The following NBPF12 variants were observed in gnomAD, a reference collection of about 807,000 sequenced individuals.
NBPF12 encodes NBPF member 12, also known as NBPF family member NBPF12.
Under a neutral mutation model 146.4 loss-of-function variants are expected in NBPF12, and 115 were observed. The observed-to-expected ratio is 0.79, with a 90% confidence interval of 0.68 to 0.92. NBPF12 has a LOEUF of 0.92. NBPF12 is among the 40% of genes least tolerant of loss of function. The pLI, the probability that NBPF12 is intolerant of heterozygous loss-of-function variation, is 0.00. For missense variants in NBPF12, 1,205 were observed against 1,326.8 expected (o/e 0.91, Z 1.43); for synonymous variants, 385 against 508.9 (o/e 0.76, Z 3.28).
chr1:146,954,559 T>G lies in NBPF12; in HGVS notation c.-184+3070T>G, dbSNP rs1655479325. 2.7e-5 allele frequency among the ~76,000 whole-genome samples: 4 copies of G among 150,718 alleles called. No homozygotes were observed. In the South Asian group the frequency reaches 6.3e-4, roughly 24 times the overall value. ...TTATGTTTAAAGAGTCAGTTCTTCG[T>G]AAATTGATCTCCAGATCCAATGCAA... On this transcript the variant is annotated intron_variant, in intron 2 of 33. Coordinates refer to ENST00000617844, the Ensembl canonical transcript of NBPF12.
At chr1:146,976,809 G>C (rs1657064818) in intron 16 of NBPF12, 120 bp from the exon 20 acceptor site, 1 of 565,984 alleles carries the variant, frequency 1.8e-6, no homozygotes, top group African/African-American at 2.0e-5. Flanking sequence ...TAAAACATGA[G>C]AGTTTTCAGT....
At chr1:146,964,285 G>T (rs1302917633) in intron 6 of NBPF12, 72 bp from the exon 10 acceptor site, 3 of 1,587,376 alleles carry the variant, frequency 1.9e-6, no homozygotes, top group Admixed American at 3.3e-5. Context: ...TCATGTCTCT[G>T]TGCACGTTGG....
chr1:146,992,456 CTCTCTCTGTGTGTGTGTGTGTG>C (rs1658238818), intron 31 of NBPF12, among the ~76,000 whole-genome samples: 1 of 103,898 alleles, frequency 9.6e-6, no homozygotes, highest in African/African-American at 4.3e-5. Flanking sequence ...CTCTCTCTCT[CTCTCTCTGTGTGTGTGTGTGTG>C]TGTGTGTGTG....
At chr1:146,938,944 A>C (rs1654651626) in exon 1 of NBPF12, 2 of 152,076 alleles carry the variant, frequency 1.3e-5, no homozygotes, top group African/African-American at 4.8e-5. Flanking sequence ...CTGGATGGGA[A>C]GTTCAAGTTT....
chr1:146,994,571 A>C (rs1658422416), exon 34 of NBPF12: 1 of 1,609,148 alleles, frequency 6.2e-7, no homozygotes. Flanking sequence ...ATATTCCCAC[A>C]ATAAGCAGCC....
At chr1:146,972,895 G>A (rs1251011437) in exon 14 of NBPF12, 4 of 1,060,766 alleles carry the variant, frequency 3.8e-6, no homozygotes, top group Non-Finnish European at 5.9e-6. Flanking sequence ...CAGTTCAGAA[G>A]CCTCAAAGAG....
chr1:146,966,504 G>T, exon 9 of NBPF12: 4 of 1,463,778 alleles, frequency 2.7e-6, no homozygotes, highest in Non-Finnish European at 3.8e-6. Flanking sequence ...TCAGCATGGT[G>T]GTATCAGCCG....
chr1:146,945,083 C>G (rs1487804319), upstream of NBPF12, among the ~76,000 whole-genome samples: 9 of 136,368 alleles, frequency 6.6e-5, no homozygotes, highest in Non-Finnish European at 1.1e-4. Flanking sequence ...TTCCTCCCTC[C>G]CTTCCTCCCT....
In NBPF12 at chr1:146,963,638, T is replaced by A. The variant is rs1266239989; in HGVS notation, c.493+329T>A. ...AGAGCTCTGGGCTAAGAATGAAGGT[T>A]CCCAGGCTGTCTTTTTGGCAATGTT... On this transcript the variant is annotated intron_variant, in intron 6 of 33. Transcript: ENST00000617844. Among the ~76,000 whole-genome samples the A allele has an allele frequency of 3.3e-5, 5 of 151,846 alleles. 1 individual carries two copies. The highest frequency in any genetic ancestry group is 1.2e-4 in the African/African-American group (5 of 41,216).
intron 2 of NBPF12, among the ~76,000 whole-genome samples, chr1:146,954,921 G>GTATA (rs1212777019): frequency 2.2e-5 from 2 of 91,204 alleles, no homozygotes; most frequent in African/African-American, 8.7e-5. Context: ...GTGTGTGTGT[G>GTATA]TATATATATA....
chr1:146,963,386 A>T lies in NBPF12; in HGVS notation c.493+77A>T, dbSNP rs1655984405. The T allele has an allele frequency of 1.9e-6, 3 of 1,595,622 alleles. No homozygotes were observed. The African/African-American group carries it at 4.0e-5, about 21-fold the overall frequency. On this transcript the variant is annotated intron_variant, in intron 6 of 33. Transcript: ENST00000617844. ...TCCAGACCTCCATACTTTCATGATG[A>T]CAGTTGTATCAGTGGGGTTTTTTTC...
chr1:146,968,438 CTT>C lies in NBPF12; in HGVS notation c.989-7_989-6del, dbSNP rs1656345187. On this transcript the variant is annotated splice_polypyrimidine_tract_variant and splice_region_variant and intron_variant, in intron 9 of 33. Coordinates refer to ENST00000617844, the Ensembl canonical transcript of NBPF12. ...CTTCCACTGATGCAGGCGTGTCTGT[CTT>C]TTCTCAGAATATGAAGAGTGCAAAG... 6.2e-7 allele frequency: 1 copy of C among 1,600,376 alleles called. No individual in the cohort carries two copies. The highest frequency in any genetic ancestry group is 1.3e-5 in the African/African-American group (1 of 74,354).
intron 19 of NBPF12, among the ~76,000 whole-genome samples, chr1:146,981,294 A>AAAAAATAT (rs1162326884): frequency 2.2e-5 from 2 of 90,246 alleles, no homozygotes; most frequent in African/African-American, 9.6e-5. Flanking sequence ...AAAAAAAAAA[A>AAAAAATAT]ATATATATAT....
chr1:146,965,791 CAAAAAAAAA>C (rs1162462110), intron 8 of NBPF12, among the ~76,000 whole-genome samples: 19 of 30,056 alleles, frequency 6.3e-4, no homozygotes, highest in Admixed American at 3.3e-3. Flanking sequence ...GACTGCATCT[CAAAAAAAAA>C]AAAAAAAAAA....
intron 20 of NBPF12, 111 bp from the exon 24 acceptor site, chr1:146,984,023 T>C (rs1414056340): frequency 1.3e-5 from 9 of 711,070 alleles, no homozygotes; most frequent in Non-Finnish European, 2.0e-5. Context: ...AAGTCTCCTG[T>C]TCTCACACTG....
chr1:146,964,632 G>A (rs1454896260), intron 7 of NBPF12, among the ~76,000 whole-genome samples: 2 of 151,866 alleles, frequency 1.3e-5, no homozygotes, highest in Admixed American at 6.5e-5. Flanking sequence ...TACCATACAG[G>A]GATAGCTGAG....
chr1:146,965,080 C>T lies in NBPF12; in HGVS notation c.754C>T (p.Gln252Ter). Residue 252 changes from glutamine to a stop codon, truncating the protein, a stop_gained, in exon 8 of 34, where the codon CAG (glutamine) becomes TAG (stop). Transcript: ENST00000617844. LOFTEE classifies it high-confidence loss of function. The stretch of plus-strand genomic sequence containing the variant: ...CAGAAAATCCTCTCATGATGAATGT[C>T]AGGATGCTCTAAACATTCTCCCAGG... 6.3e-7 allele frequency: 1 copy of T among 1,599,678 alleles called. No homozygotes were observed.
At chr1:146,980,602 G>T (rs1173073987) in intron 19 of NBPF12, among the ~76,000 whole-genome samples, 3 of 151,844 alleles carry the variant, frequency 2.0e-5, no homozygotes, top group South Asian at 2.1e-4. Flanking sequence ...TGAAATTCTT[G>T]GTTGAAAATT....
At chr1:146,946,773 C>A (rs1655094753), upstream of NBPF12, among the ~76,000 whole-genome samples, 4 of 150,770 alleles carry the variant, frequency 2.7e-5, no homozygotes, top group African/African-American at 9.8e-5. Flanking sequence ...CCCAGGATCC[C>A]CGAGATTTTC....
Sources: gnomAD v4.1 joint callset for allele counts (sites outside exome capture counted in the v4.1 genomes callset) on GRCh38, gnomAD v4.1.1 for gene constraint, MANE v1.5 for transcripts, NCBI Gene and HGNC (gene_info 2026-07-23, HGNC 2026-07-21) for gene names.